Variants in SUGCT observed in about 807,000 individuals in gnomAD.
The protein encoded by SUGCT is succinyl-CoA:glutarate CoA-transferase.
In SUGCT, 41 loss-of-function variants were observed where a neutral mutation model predicts 55.0. The observed-to-expected ratio is 0.74, with a 90% confidence interval of 0.58 to 0.97. SUGCT has a LOEUF of 0.97. SUGCT is among the 50% of genes least tolerant of loss of function. SUGCT has a pLI of 0.00. For missense variants in SUGCT, 568 were observed against 547.8 expected, an observed-to-expected ratio of 1.04 and a Z score of -0.37; for synonymous variants, 187 against 200.4, an observed-to-expected ratio of 0.93 and a Z score of 0.56.
intron 9 of SUGCT, among the ~76,000 whole-genome samples, chr7:40,336,555 T>G (rs529984387): frequency 6.6e-6 from 1 of 152,234 alleles, no homozygotes; most frequent in Non-Finnish European, 1.5e-5. Context: ...TATAGTATTC[T>G]CTGATGGTAG....
chr7:40,618,166 A>G (rs1799100703), intron 12 of SUGCT, among the ~76,000 whole-genome samples: 1 of 152,038 alleles, frequency 6.6e-6, no homozygotes, highest in Non-Finnish European at 1.5e-5. Flanking sequence ...TGATCCTCTC[A>G]ATTCTTATTT....
intron 8 of SUGCT, among the ~76,000 whole-genome samples, chr7:40,299,612 T>C (rs892864580): frequency 6.6e-6 from 1 of 151,242 alleles, no homozygotes; most frequent in South Asian, 2.1e-4. Flanking sequence ...GATTTTTTTA[T>C]ATAAAATCTC....
chr7:41,000,725 G>C, the SUGCT span, among the ~76,000 whole-genome samples: 1 of 152,154 alleles, frequency 6.6e-6, no homozygotes, highest in Non-Finnish European at 1.5e-5. Context: ...ATAGCTTGTA[G>C]ATGTGTTGGA....
At chr7:40,256,377 A>T (rs1398397430) in intron 7 of SUGCT, among the ~76,000 whole-genome samples, 4 of 152,152 alleles carry the variant, frequency 2.6e-5, no homozygotes, top group African/African-American at 9.7e-5. Context: ...CCATAGTAAG[A>T]CCCATAGCAA....
At chr7:40,919,914 C>T in the SUGCT span, among the ~76,000 whole-genome samples, 6 of 152,214 alleles carry the variant, frequency 3.9e-5, no homozygotes, top group Non-Finnish European at 8.8e-5. Context: ...CCTTCTGCAC[C>T]TTCCCTTCTA....
chr7:41,004,645 A>C, the SUGCT span, among the ~76,000 whole-genome samples: 2 of 152,360 alleles, frequency 1.3e-5, no homozygotes, highest in East Asian at 3.9e-4. Flanking sequence ...TATGGAAGAC[A>C]AGAGCTATCA....
intron 8 of SUGCT, among the ~76,000 whole-genome samples, chr7:40,292,110 G>T (rs1465183679): frequency 1.3e-5 from 2 of 152,170 alleles, no homozygotes; most frequent in African/African-American, 2.4e-5. Context: ...GGTGGAGGTG[G>T]CTACAGACAG....
chr7:40,255,937 G>A (rs1790786417), intron 7 of SUGCT, among the ~76,000 whole-genome samples: 1 of 152,140 alleles, frequency 6.6e-6, no homozygotes, highest in Non-Finnish European at 1.5e-5. Context: ...CCTTATGAAG[G>A]TGTAGATAGT....
intron 13 of SUGCT, among the ~76,000 whole-genome samples, chr7:40,794,299 A>G (rs1245655167): frequency 2.0e-5 from 3 of 152,016 alleles, no homozygotes; most frequent in Non-Finnish European, 1.5e-5. Flanking sequence ...GCTACATTTC[A>G]CCTTATAATG....
At chr7:41,030,736 G>A in the SUGCT span, among the ~76,000 whole-genome samples, 1 of 152,056 alleles carries the variant, frequency 6.6e-6, no homozygotes, top group Non-Finnish European at 1.5e-5. Context: ...TTACAGTTAT[G>A]ATAAAAAGTT....
At chr7:40,394,978 C>G (rs1785642742) in intron 9 of SUGCT, among the ~76,000 whole-genome samples, 1 of 152,116 alleles carries the variant, frequency 6.6e-6, no homozygotes, top group African/African-American at 2.4e-5. Flanking sequence ...TGTAAGAAAG[C>G]TTTTATTTAT....
intron 1 of SUGCT, among the ~76,000 whole-genome samples, chr7:40,166,236 G>T (rs1784419036): frequency 2.0e-5 from 3 of 152,158 alleles, no homozygotes; most frequent in Admixed American, 2.0e-4. Flanking sequence ...CATGAGACAG[G>T]TGCTTCAGAT....
rs183061838 is a variant in SUGCT, at chr7:40,524,359, C to T, written c.1089+27973C>T. ...TATATCTGATGTCTTTTTGCTAGGA[C>T]ATCTTGTGTTTGCTAGGACCTACTT... On this transcript the variant is annotated intron_variant, in intron 12 of 13. Coordinates refer to ENST00000335693, the MANE Select transcript of SUGCT (RefSeq NM_001193313.2). Among the ~76,000 whole-genome samples the T allele has an allele frequency of 1.5e-3, 223 of 152,154 alleles. 1 individual carries two copies. Among genetic ancestry groups the T allele is most frequent in the Non-Finnish European group, 2.3e-3 (158 of 67,974 alleles).
the SUGCT span, among the ~76,000 whole-genome samples, chr7:40,997,186 A>G: frequency 6.6e-6 from 1 of 152,154 alleles, no homozygotes; most frequent in Non-Finnish European, 1.5e-5. Flanking sequence ...TGAGCATCTG[A>G]TGGTTTCTTA....
intron 9 of SUGCT, among the ~76,000 whole-genome samples, chr7:40,322,140 G>C (rs1562678968): frequency 6.6e-6 from 1 of 152,060 alleles, no homozygotes. Flanking sequence ...AATGTACCCA[G>C]TCTTACAACA....
chr7:40,941,114 C>A, the SUGCT span, among the ~76,000 whole-genome samples: 1 of 151,794 alleles, frequency 6.6e-6, no homozygotes, highest in Non-Finnish European at 1.5e-5. Context: ...GCTTTTTCTG[C>A]ATTTATTGAG....
At chr7:40,825,600 G>GA (rs1248835632) in intron 13 of SUGCT, among the ~76,000 whole-genome samples, 10 of 152,108 alleles carry the variant, frequency 6.6e-5, no homozygotes, top group Non-Finnish European at 2.9e-5. Context: ...ATGAGTAAGG[G>GA]AAAAAATGGA....
At chr7:40,909,703 C>T in the SUGCT span, among the ~76,000 whole-genome samples, 1 of 152,168 alleles carries the variant, frequency 6.6e-6, no homozygotes, top group Non-Finnish European at 1.5e-5. Context: ...TGAGAGATTT[C>T]AACTACTCCA....
rs527617808 is a variant in SUGCT, at chr7:40,582,103, C to G, written c.1089+85717C>G. Among the ~76,000 whole-genome samples, 8 of 152,156 alleles carry G rather than the reference C, an allele frequency of 5.3e-5. No individual in the cohort carries two copies. The South Asian group carries it at 1.7e-3, about 32-fold the overall frequency. The stretch of plus-strand genomic sequence containing the variant: ...ATTACAGTTCTGGACAAACAGACAT[C>G]GCTCTCTATAACAATAATAAGGAAA... On this transcript the variant is annotated intron_variant, in intron 12 of 13. Coordinates refer to ENST00000335693, the MANE Select transcript of SUGCT (RefSeq NM_001193313.2).
Sources: allele counts gnomAD v4.1 joint callset (sites outside exome capture counted in the v4.1 genomes callset), GRCh38; gene constraint gnomAD v4.1.1; transcripts MANE v1.5; gene names NCBI Gene and HGNC (gene_info 2026-07-23, HGNC 2026-07-21).